C12orf56: variants seen among roughly 807,000 people sequenced by gnomAD.
The protein encoded by C12orf56 is chromosome 12 open reading frame 56.
In C12orf56, 71 loss-of-function variants were observed where a neutral mutation model predicts 69.9. That is an observed-to-expected ratio of 1.02 (90% CI 0.84 to 1.24). The LOEUF (loss-of-function observed/expected upper bound fraction) is 1.24. Among genes scored for constraint, C12orf56 ranks in the 50% most tolerant of loss-of-function variants. C12orf56 has a pLI of 0.00. For synonymous variants in C12orf56, 276 were observed against 274.1 expected (o/e 1.01, Z -0.07); for missense variants, 732 against 738.5 (o/e 0.99, Z 0.10).
chr12:64,317,478 C>T (rs758974794), intron 4 of C12orf56, among the ~76,000 whole-genome samples: 15 of 152,132 alleles, frequency 9.9e-5, no homozygotes, highest in Admixed American at 2.6e-4. Context: ...TTTTGTGTTT[C>T]GGCCAGGCGT....
intron 11 of C12orf56, among the ~76,000 whole-genome samples, chr12:64,271,274 G>A (rs1203164482): frequency 6.6e-6 from 1 of 152,050 alleles, no homozygotes; most frequent in Non-Finnish European, 1.5e-5. Flanking sequence ...TAGACAGCCT[G>A]GTTAACATGG....
intron 1 of C12orf56, among the ~76,000 whole-genome samples, chr12:64,382,982 A>C (rs1166216667): frequency 3.3e-5 from 5 of 152,050 alleles, no homozygotes; most frequent in African/African-American, 1.2e-4. Flanking sequence ...CATCCATGAA[A>C]CTAATTTTGG....
intron 6 of C12orf56, among the ~76,000 whole-genome samples, chr12:64,297,310 T>G (rs1373085350): frequency 2.0e-5 from 3 of 152,174 alleles, no homozygotes; most frequent in East Asian, 3.8e-4. Flanking sequence ...CTGGGTTTGA[T>G]AGCATGGTTG....
At position 64,390,529 on chromosome 12, in the gene C12orf56, T is replaced by G. The variant is rs1314784998; in HGVS notation, c.37A>C (p.Arg13=). The change falls in exon 1 of 13, where the codon AGG becomes CGG. Residue 13 remains arginine (R), a synonymous_variant. Coordinates refer to ENST00000543942, the MANE Select transcript of C12orf56 (RefSeq NM_001170633.2). Reference sequence around the variant, plus strand: ...AGGAACACATCCAGGCGGCTGTTCCTGCGCGCGGGGAAGCCGGACGGCAAG... The same window carrying G: ...AGGAACACATCCAGGCGGCTGTTCCGGCGCGCGGGGAAGCCGGACGGCAAG... ...SPLPSGFPAR[R]NSRLDVFLRR... is the part of the protein sequence containing the mutation. The G allele has an allele frequency of 1.3e-6, 2 of 1,596,670 alleles. No individual in the cohort carries two copies. Among genetic ancestry groups the G allele is most frequent in the Non-Finnish European group, 1.7e-6 (2 of 1,178,010 alleles).
At chr12:64,366,318 TTATTATATATTATATACAGTTTATA>T (rs1565777201) in intron 1 of C12orf56, among the ~76,000 whole-genome samples, 14 of 68,182 alleles carry the variant, frequency 2.1e-4, no homozygotes, top group East Asian at 4.6e-4. Context: ...TATATACAGT[TTATTATATATTATATACAGTTTATA>T]TATTATATAT....
At chr12:64,338,294 C>T in intron 2 of C12orf56, 1 of 508,920 alleles carries the variant, frequency 2.0e-6, no homozygotes, top group South Asian at 1.6e-5. Flanking sequence ...GTTACAATCC[C>T]CATTATATAT....
rs1184765761 is a variant in C12orf56, at chr12:64,352,774, GTGATA to G, written c.415+115_415+119del. Reference sequence around the variant, plus strand: ...CCCATGCCTAAATTTTCCTGGCTGCGTGATAGGAACCTGGATTTTAACTGAACTAA... The same window carrying G: ...CCCATGCCTAAATTTTCCTGGCTGCGGGAACCTGGATTTTAACTGAACTAA... On this transcript the variant is annotated intron_variant, in intron 2 of 12. Coordinates refer to ENST00000543942, the MANE Select transcript of C12orf56 (RefSeq NM_001170633.2). 65 of 877,828 alleles carry G rather than the reference GTGATA, an allele frequency of 7.4e-5. No homozygotes were observed. In the Middle Eastern group the frequency reaches 1.5e-3, roughly 20 times the overall value. 54.4% of individuals were successfully genotyped at this position (877,828 alleles called of 1,614,324 possible). A position where few individuals can be genotyped will look rare whatever the true frequency, so the allele number is the denominator to read the frequency against.
intron 1 of C12orf56, among the ~76,000 whole-genome samples, chr12:64,355,377 A>C (rs2039297158): frequency 6.6e-6 from 1 of 152,178 alleles, no homozygotes; most frequent in Non-Finnish European, 1.5e-5. Flanking sequence ...TGTACCTGAA[A>C]TCACCACTCA....
intron 1 of C12orf56, among the ~76,000 whole-genome samples, chr12:64,375,763 C>G (rs1345728653): frequency 6.6e-5 from 3 of 45,460 alleles, no homozygotes; most frequent in Admixed American, 3.7e-4. Context: ...ATGAGTTGAG[C>G]GAAAATTTAA....
chr12:64,361,710 T>C (rs1055950500), intron 1 of C12orf56, among the ~76,000 whole-genome samples: 6 of 152,084 alleles, frequency 3.9e-5, no homozygotes, highest in African/African-American at 1.4e-4. Context: ...GCTCTGCCTA[T>C]GGAGTAGCCA....
At position 64,390,486 on chromosome 12, in the gene C12orf56, G is replaced by A. The variant is rs1481475283; in HGVS notation, c.80C>T (p.Pro27Leu). 8 of 1,603,362 alleles carry A rather than the reference G, an allele frequency of 5.0e-6. No homozygotes were observed. The highest frequency in any genetic ancestry group is 3.3e-5 in the South Asian group (3 of 91,088). ...LDVFLRRHLP[P>L]EVYDAVRAYE... ...GGCGCGGACCGCGTCGTAGACCTCG[G>A]GCGGCAGATGCCGCCGCAGGAACAC... Residue 27 changes from proline to leucine, a missense_variant, in exon 1 of 13, where the codon CCC (proline) becomes CTC (leucine). Physicochemically the swap from Pro to Leu is moderately conservative, Grantham distance 98 (BLOSUM62 -3). Transcript: ENST00000543942.
chr12:64,295,450 A>G (rs886540900), intron 6 of C12orf56, among the ~76,000 whole-genome samples: 1 of 152,146 alleles, frequency 6.6e-6, no homozygotes, highest in African/African-American at 2.4e-5. Context: ...CTTGAGTCCA[A>G]GACCAGCCTG....
At chr12:64,366,037 T>TTTATATATTATATATAATATATAGC (rs796471256) in intron 1 of C12orf56, among the ~76,000 whole-genome samples, 2 of 122,594 alleles carry the variant, frequency 1.6e-5, no homozygotes, top group Non-Finnish European at 3.2e-5. Flanking sequence ...TAATATATAG[T>TTTATATATTATATATAATATATAGC]TTATATATTA....
intron 6 of C12orf56, among the ~76,000 whole-genome samples, 197 bp from the exon 7 acceptor site, chr12:64,286,257 TGACCAGAGC>T (rs2038200506): frequency 6.6e-6 from 1 of 152,186 alleles, no homozygotes; most frequent in South Asian, 2.1e-4. Flanking sequence ...ACTGTGCTGG[TGACCAGAGC>T]AAGGGCTAGG....
intron 8 of C12orf56, among the ~76,000 whole-genome samples, chr12:64,282,145 C>T (rs1164786136): frequency 6.6e-6 from 1 of 152,154 alleles, no homozygotes; most frequent in Admixed American, 6.5e-5. Flanking sequence ...CACTTAAGTC[C>T]AGGAGTTTGA....
chr12:64,272,927 C>G (rs1014365378), intron 11 of C12orf56, among the ~76,000 whole-genome samples: 9 of 152,074 alleles, frequency 5.9e-5, no homozygotes, highest in African/African-American at 1.9e-4. Flanking sequence ...AGTCTAGATC[C>G]CATAGAACAG....
At chr12:64,326,101 C>G (rs1190167563) in intron 3 of C12orf56, among the ~76,000 whole-genome samples, 1 of 152,120 alleles carries the variant, frequency 6.6e-6, no homozygotes, top group Non-Finnish European at 1.5e-5. Flanking sequence ...TTTCAAGACA[C>G]TAGACACCAG....
At chr12:64,298,871 T>C (rs2038405699) in intron 6 of C12orf56, among the ~76,000 whole-genome samples, 1 of 152,236 alleles carries the variant, frequency 6.6e-6, no homozygotes, top group South Asian at 2.1e-4. Context: ...CGGGCTCTTT[T>C]TTGGTTCCAT....
intron 1 of C12orf56, among the ~76,000 whole-genome samples, chr12:64,380,639 T>G (rs933257027): frequency 6.6e-6 from 1 of 152,154 alleles, no homozygotes; most frequent in Non-Finnish European, 1.5e-5. Context: ...AATGGTACTT[T>G]TAGTTTGAGT....
Sources: gnomAD v4.1 joint callset for allele counts (sites outside exome capture counted in the v4.1 genomes callset) on GRCh38, gnomAD v4.1.1 for gene constraint, MANE v1.5 for transcripts, NCBI Gene and HGNC (gene_info 2026-07-23, HGNC 2026-07-21) for gene names.